MAG: variants seen among roughly 807,000 people sequenced by gnomAD.
The protein encoded by MAG is myelin associated glycoprotein.
In MAG, 30 loss-of-function variants were observed where a neutral mutation model predicts 60.7. That is an observed-to-expected ratio of 0.49 (90% confidence interval 0.37 to 0.67). The LOEUF (loss-of-function observed/expected upper bound fraction) is 0.67. MAG is among the 30% of genes least tolerant of loss of function. The probability of loss-of-function intolerance (pLI) is 0.00; values close to 1 mark genes in which losing one functional copy is unlikely to be tolerated. For synonymous variants in MAG, 384 were observed against 376.8 expected (o/e 1.02, Z -0.22); for missense variants, 795 against 851.7 (o/e 0.93, Z 0.83).
At chr19:35,310,726 G>A in intron 9 of MAG, 83 bp downstream of exon 9, 2 of 1,187,338 alleles carry the variant, frequency 1.7e-6, no homozygotes, top group South Asian at 1.2e-5. Context: ...GAGTGGGTGG[G>A]GGAAGGCAGC....
intron 7 of MAG, among the ~76,000 whole-genome samples, chr19:35,306,054 G>A (rs556736901): frequency 1.3e-5 from 1 of 76,482 alleles, no homozygotes; most frequent in East Asian, 4.1e-4. Flanking sequence ...CTCCAGCCTG[G>A]ATGACAGAGC....
chr19:35,303,475 C>T (rs1382845491), intron 7 of MAG, among the ~76,000 whole-genome samples: 2 of 152,192 alleles, frequency 1.3e-5, no homozygotes, highest in African/African-American at 4.8e-5. Flanking sequence ...CCTAAGTTCC[C>T]ACAGCCAGGA....
chr19:35,295,932 C>T lies in MAG; in HGVS notation c.366C>T (p.Gly122=), dbSNP rs761049066. ...GGKYYFRGDL[G]GYNQYTFSEH... The stretch of plus-strand genomic sequence containing the variant: ...AGTACTACTTCCGTGGGGACCTGGG[C>T]GGCTACAACCAGTACACCTTCTCAG... The change falls in exon 4 of 11, where the codon GGC becomes GGT. Residue 122 remains glycine, a synonymous_variant. Coordinates refer to ENST00000392213, the MANE Select transcript of MAG (RefSeq NM_002361.4). The surrounding 1 kb of genome is among the most constrained non-coding windows in gnomAD (Gnocchi z 5.8). The T allele has an allele frequency of 1.5e-5, 24 of 1,612,360 alleles. No individual in the cohort carries two copies. In the Middle Eastern group the frequency reaches 4.9e-4, roughly 33 times the overall value.
At chr19:35,297,097 C>G (rs972922590) in intron 4 of MAG, among the ~76,000 whole-genome samples, 2 of 149,798 alleles carry the variant, frequency 1.3e-5, no homozygotes, top group African/African-American at 2.5e-5. Context: ...TAGCTGTATT[C>G]TATTTGGCTT....
chr19:35,294,171 G>T (rs2066378850), intron 1 of MAG, 64 bp from the exon 2 acceptor site: 2 of 378,208 alleles, frequency 5.3e-6, no homozygotes, highest in Non-Finnish European at 1.0e-5. Context: ...AGATACTGAA[G>T]CGGGGGTGGG....
At position 35,300,171 on chromosome 19, in the gene MAG, A is replaced by G. The variant is rs1269918420; in HGVS notation, c.737A>G (p.Asn246Ser). Reference protein sequence around the residue: ...VKYPPVIVEMNSSVEAIEGSH... With the variant: ...VKYPPVIVEMSSSVEAIEGSH... The stretch of plus-strand genomic sequence containing the variant: ...GACCCCCCGGTGATTGTGGAGATGA[A>G]CTCCTCGGTGGAGGCCATCGAGGGC... The change falls in exon 6 of 11, where the codon AAC becomes AGC. Residue 246 changes from asparagine (N) to serine (S), a missense_variant. Physicochemically the swap from Asn to Ser is conservative, Grantham distance 46 (BLOSUM62 1). Transcript: ENST00000392213. The G allele has an allele frequency of 6.5e-7, 1 of 1,544,638 alleles. No homozygotes were observed. The highest frequency in any genetic ancestry group is 1.9e-5 in the Admixed American group (1 of 52,508).
At chr19:35,306,119 C>G in intron 7 of MAG, among the ~76,000 whole-genome samples, 1 of 104,322 alleles carries the variant, frequency 9.6e-6, no homozygotes, top group South Asian at 4.0e-4. Flanking sequence ...ACTGTCCCAT[C>G]CCCCCACTCC....
rs1599662024 is a variant in MAG, at chr19:35,313,661, T to C, written c.*207T>C. 1 of 556,582 alleles carries C rather than the reference T, an allele frequency of 1.8e-6. No homozygotes were observed. The highest frequency in any genetic ancestry group is 3.2e-6 in the Non-Finnish European group (1 of 311,416). 34.5% of individuals were successfully genotyped at this position (556,582 alleles called of 1,614,324 possible). A position where few individuals can be genotyped will look rare whatever the true frequency, so the allele number is the denominator to read the frequency against. Reference sequence around the variant, plus strand: ...ACCCCCACGCCCTCATTACGGCTCCTCTCTAACCTCCTTTACCCTCATCTG... The same window carrying C: ...ACCCCCACGCCCTCATTACGGCTCCCCTCTAACCTCCTTTACCCTCATCTG... On this transcript the variant is annotated 3_prime_UTR_variant, in exon 11 of 11. Coordinates refer to ENST00000392213, the MANE Select transcript of MAG (RefSeq NM_002361.4).
intron 10 of MAG, chr19:35,312,458 G>A: frequency 1.3e-6 from 1 of 773,662 alleles, no homozygotes; most frequent in South Asian, 1.5e-5. Context: ...GGCAGTGCTG[G>A]CCTTGTCTAG....
Position 35,309,934 on chromosome 19 carries a change from T to A in MAG, c.1292T>A (p.Leu431Gln), listed in dbSNP as rs199969989. The change falls in exon 8 of 11, where the codon CTG (leucine) becomes CAG (glutamine). Residue 431 changes from leucine to glutamine, a missense_variant. Physicochemically the swap from Leu to Gln is moderately radical, Grantham distance 113. Transcript: ENST00000392213. ...GCAGCCCGAGACACGGTGCAGTGCCTGTGCGTGGTGAAGTCCAACCCGGAG... is the reference window on the plus strand; with the variant it reads ...GCAGCCCGAGACACGGTGCAGTGCCAGTGCGTGGTGAAGTCCAACCCGGAG... ...CAAARDTVQCLCVVKSNPEPS... is the reference protein window; with the variant it reads ...CAAARDTVQCQCVVKSNPEPS... 1.0e-4 allele frequency: 168 copies of A among 1,613,778 alleles called. No individual in the cohort carries two copies. Among genetic ancestry groups the A allele is most frequent in the Admixed American group, 1.2e-4 (7 of 60,000 alleles).
rs1234866274 is a variant in MAG at position 35,299,686 on chromosome 19, C to A, written c.548C>A (p.Pro183His). Reference protein sequence around the residue: ...SWLGHEGLGEPAVLGRLREDE... With the variant: ...SWLGHEGLGEHAVLGRLREDE... ...CTGGGCCACGAGGGGCTGGGGGAGC[C>A]CGCTGTGCTGGGCCGGCTGCGGGAG... The change falls in exon 5 of 11, where the codon CCC becomes CAC. Residue 183 changes from proline (P) to histidine (H), a missense_variant. Coordinates refer to ENST00000392213, the MANE Select transcript of MAG (RefSeq NM_002361.4). The A allele has an allele frequency of 1.3e-6, 2 of 1,598,024 alleles. No individual in the cohort carries two copies. The highest frequency in any genetic ancestry group is 1.7e-6 in the Non-Finnish European group (2 of 1,173,288).
chr19:35,309,833 T>G (rs1192933544), intron 7 of MAG, 41 bp from the exon 8 acceptor site: 1 of 1,584,876 alleles, frequency 6.3e-7, no homozygotes, highest in African/African-American at 1.3e-5. Flanking sequence ...GGGCCTCGCG[T>G]TGGCTCCGGG....
At chr19:35,298,055 G>C (rs2066415858) in intron 4 of MAG, among the ~76,000 whole-genome samples, 2 of 113,930 alleles carry the variant, frequency 1.8e-5, no homozygotes, top group South Asian at 2.9e-4. Flanking sequence ...TACACACACA[G>C]TGCACACACT....
chr19:35,308,902 G>C (rs1357015977), intron 7 of MAG, among the ~76,000 whole-genome samples: 1 of 152,160 alleles, frequency 6.6e-6, no homozygotes. Context: ...ATCACTAGAG[G>C]CCAAGAGTGC....
chr19:35,303,217 C>T (rs371489430), intron 7 of MAG, among the ~76,000 whole-genome samples: 22 of 152,326 alleles, frequency 1.4e-4, no homozygotes, highest in Middle Eastern at 3.4e-3. Context: ...AGCCACCACG[C>T]GCAGCCTGGG....
rs1032956121 is a variant in MAG at position 35,313,332 on chromosome 19, C to T, written c.1759C>T (p.Arg587Trp). 4.3e-6 allele frequency: 7 copies of T among 1,614,002 alleles called. No individual in the cohort carries two copies. The South Asian group carries it at 4.4e-5, about 10-fold the overall frequency. ...LGSERRLLGL[R>W]GEPPELDLSY... ...ATCTGAGAGGAGGCTGCTGGGCCTT[C>T]GGGGTGAGCCCCCAGAGCTGGACCT... The change falls in exon 11 of 11, where the codon CGG (arginine) becomes TGG (tryptophan). Residue 587 changes from arginine to tryptophan, a missense_variant. Physicochemically the swap from Arg to Trp is moderately radical, Grantham distance 101 (BLOSUM62 -3). Transcript: ENST00000392213.
At chr19:35,304,842 T>C (rs1859826921) in intron 7 of MAG, among the ~76,000 whole-genome samples, 1 of 152,122 alleles carries the variant, frequency 6.6e-6, no homozygotes, top group African/African-American at 2.4e-5. Flanking sequence ...GCCCAGCCTA[T>C]CTGGCTCATT....
intron 8 of MAG, 75 bp downstream of exon 8, chr19:35,310,236 C>A (rs753507987): frequency 2.6e-5 from 39 of 1,500,196 alleles, no homozygotes; most frequent in Non-Finnish European, 3.3e-5. Context: ...CCAAGGCTGA[C>A]CAACAGCCAC....
At chr19:35,294,475 C>T (rs55976703) in intron 2 of MAG, among the ~76,000 whole-genome samples, 185 bp downstream of exon 2, 19,096 of 152,236 alleles carry the variant, frequency 0.13, 1,452 homozygotes, top group Non-Finnish European at 0.17. Flanking sequence ...ACTGTGTGGC[C>T]TTGGGCGAGT....
Sources: allele counts gnomAD v4.1 joint callset (sites outside exome capture counted in the v4.1 genomes callset), GRCh38; gene constraint gnomAD v4.1.1; non-coding constraint Gnocchi (gnomAD v3.1); transcripts MANE v1.5; gene names NCBI Gene and HGNC (gene_info 2026-07-23, HGNC 2026-07-21).